WDR19: variants seen among roughly 807,000 people sequenced by gnomAD.
WDR19 encodes the protein WD repeat-containing protein 19.
WDR19 carries 121 observed loss-of-function variants against 180.0 expected under a neutral mutation model. The observed-to-expected ratio is 0.67, with a 90% confidence interval of 0.58 to 0.78. The LOEUF (loss-of-function observed/expected upper bound fraction) is 0.78, where lower values mean the gene tolerates loss of function less well. Ranked by LOEUF, WDR19 falls within the 30% of genes least tolerant of loss-of-function variation. WDR19 has a pLI of 0.00. For synonymous variants in WDR19, 497 were observed against 540.7 expected (o/e 0.92, Z 1.12); for missense variants, 1,450 against 1,640.7 (o/e 0.88, Z 2.01).
At chr4:39,204,268 A>G (rs562178731) in intron 7 of WDR19, among the ~76,000 whole-genome samples, 46 of 152,180 alleles carry the variant, frequency 3.0e-4, no homozygotes, top group African/African-American at 9.6e-4. Flanking sequence ...TATTTTTAGT[A>G]GAGATGGGGT....
chr4:39,265,956 T>C, intron 28 of WDR19, 107 bp from the exon 29 acceptor site: 1 of 907,866 alleles, frequency 1.1e-6, no homozygotes, highest in East Asian at 2.7e-5. Context: ...CTATAGATAC[T>C]ATTAATGTTT....
chr4:39,254,402 G>T (rs1347867744), intron 26 of WDR19, among the ~76,000 whole-genome samples: 1 of 152,076 alleles, frequency 6.6e-6, no homozygotes, highest in Admixed American at 6.6e-5. Context: ...TTAAAAAATT[G>T]AGTTACAAAT....
intron 33 of WDR19, among the ~76,000 whole-genome samples, chr4:39,276,587 T>C (rs1247004062): frequency 6.6e-6 from 1 of 152,208 alleles, no homozygotes; most frequent in African/African-American, 2.4e-5. Flanking sequence ...GGCTACCATA[T>C]TGGATAGCAC....
At chr4:39,285,065 AG>A (rs1374790823) in intron 36 of WDR19, among the ~76,000 whole-genome samples, 1 of 113,204 alleles carries the variant, frequency 8.8e-6, no homozygotes, top group African/African-American at 4.8e-5. Flanking sequence ...ATCATCTCCT[AG>A]GAAAAAAAAA....
chr4:39,216,063 G>A (rs1729038519), intron 11 of WDR19, 33 bp from the exon 12 acceptor site: 1 of 1,540,418 alleles, frequency 6.5e-7, no homozygotes, highest in Non-Finnish European at 8.7e-7. Flanking sequence ...AATAAGTTTA[G>A]CCGTTGATTT....
intron 24 of WDR19, among the ~76,000 whole-genome samples, chr4:39,250,147 A>G (rs1732998880): frequency 6.7e-6 from 1 of 148,288 alleles, no homozygotes; most frequent in Admixed American, 6.8e-5. Flanking sequence ...CTTATCCCCC[A>G]TGATCAAGTG....
At chr4:39,266,314 G>A (rs1329920518) in intron 29 of WDR19, among the ~76,000 whole-genome samples, 174 bp downstream of exon 29, 1 of 152,090 alleles carries the variant, frequency 6.6e-6, no homozygotes, top group Non-Finnish European at 1.5e-5. Context: ...GGTCACATTG[G>A]AAGAAGAAGA....
intron 21 of WDR19, among the ~76,000 whole-genome samples, chr4:39,242,402 A>T (rs922458499): frequency 6.6e-6 from 1 of 152,156 alleles, no homozygotes; most frequent in Non-Finnish European, 1.5e-5. Flanking sequence ...GATTACAGGC[A>T]TGAGCCACCA....
rs1230222085 is a variant in WDR19 at position 39,268,049 on chromosome 4, GC to G, written c.3319del (p.Gln1107ArgfsTer30). On this transcript the variant is annotated frameshift_variant, in exon 30 of 37. Transcript: ENST00000399820. LOFTEE classifies it high-confidence loss of function. ...GGCTCTGAAGCAATACCGAGAAGCTGCCCAGACTGCCATCATCATTGCCAGA... is the reference window on the plus strand; with the variant it reads ...GGCTCTGAAGCAATACCGAGAAGCTGCCAGACTGCCATCATCATTGCCAGA... The part of the protein sequence containing the change: ...YMALKQYREA[A>X]QTAIIIAREE... The G allele has an allele frequency of 1.2e-6, 2 of 1,602,534 alleles. No individual in the cohort carries two copies.
intron 14 of WDR19, among the ~76,000 whole-genome samples, chr4:39,224,432 G>A (rs1730020243): frequency 6.6e-6 from 1 of 151,918 alleles, no homozygotes; most frequent in Admixed American, 6.6e-5. Flanking sequence ...CCAGGCTAGA[G>A]TGCAATGGTG....
chr4:39,188,375 T>C (rs745595804), intron 3 of WDR19, among the ~76,000 whole-genome samples: 17 of 152,148 alleles, frequency 1.1e-4, no homozygotes, highest in Non-Finnish European at 2.1e-4. Context: ...ATAACTATGT[T>C]GTTACCTTAA....
At chr4:39,188,682 A>G (rs917651806) in intron 3 of WDR19, among the ~76,000 whole-genome samples, 1 of 151,462 alleles carries the variant, frequency 6.6e-6, no homozygotes, top group Non-Finnish European at 1.5e-5. Context: ...TCACCACTTT[A>G]GAATTCTATC....
At chr4:39,195,643 T>G (rs974263508) in intron 5 of WDR19, among the ~76,000 whole-genome samples, 8 of 152,216 alleles carry the variant, frequency 5.3e-5, no homozygotes, top group African/African-American at 1.9e-4. Context: ...TTGTCAATTA[T>G]TGTAACATCA....
At chr4:39,207,514 T>A (rs960823479) in intron 9 of WDR19, among the ~76,000 whole-genome samples, 9 of 152,282 alleles carry the variant, frequency 5.9e-5, no homozygotes, top group African/African-American at 1.9e-4. Flanking sequence ...GAAAAAATCT[T>A]GAAAGCAGCC....
At chr4:39,267,756 A>G (rs1384296298) in intron 29 of WDR19, among the ~76,000 whole-genome samples, 1 of 152,172 alleles carries the variant, frequency 6.6e-6, no homozygotes, top group Non-Finnish European at 1.5e-5. Flanking sequence ...CCTTCTTCCT[A>G]GGGTGGGTAT....
At chr4:39,276,887 T>C in intron 33 of WDR19, 133 bp from the exon 34 acceptor site, 1 of 1,118,082 alleles carries the variant, frequency 8.9e-7, no homozygotes, top group South Asian at 1.4e-5. Flanking sequence ...CTTGTAAGTA[T>C]CTCTCTAAGC....
chr4:39,231,033 C>T (rs957898363), intron 17 of WDR19, among the ~76,000 whole-genome samples: 2 of 151,302 alleles, frequency 1.3e-5, no homozygotes, highest in Non-Finnish European at 2.9e-5. Flanking sequence ...TGGGCTGGGC[C>T]GGGGACGGTG....
At chr4:39,248,873 A>G (rs1225012967) in intron 24 of WDR19, among the ~76,000 whole-genome samples, 1 of 152,230 alleles carries the variant, frequency 6.6e-6, no homozygotes, top group Non-Finnish European at 1.5e-5. Flanking sequence ...ACTGACCTAC[A>G]AAGAGACTTA....
At chr4:39,207,085 G>GTAAGGGCTAA (rs1728038253) in intron 9 of WDR19, among the ~76,000 whole-genome samples, 1 of 152,158 alleles carries the variant, frequency 6.6e-6, no homozygotes, top group Non-Finnish European at 1.5e-5. Flanking sequence ...GCTCCAAGAG[G>GTAAGGGCTAA]TAAGGGCTAA....
Sources: allele counts gnomAD v4.1 joint callset (sites outside exome capture counted in the v4.1 genomes callset), GRCh38; gene constraint gnomAD v4.1.1; transcripts MANE v1.5; gene names NCBI Gene and HGNC (gene_info 2026-07-23, HGNC 2026-07-21).